The following KCTD14 variants were observed in gnomAD, a reference collection of about 807,000 sequenced individuals.
KCTD14 encodes BTB/POZ domain-containing protein KCTD14.
In KCTD14, 7 loss-of-function variants were observed where a neutral mutation model predicts 5.9. The ratio of observed to expected loss-of-function variants is 1.19; its 90% CI spans 0.68 to 2.23. The LOEUF is 2.23. Ranked by LOEUF, KCTD14 falls within the 30% of genes most tolerant of loss-of-function variation. KCTD14 has a pLI of 0.00. For missense variants in KCTD14, 342 were observed against 332.2 expected, an observed-to-expected ratio of 1.03 and a Z score of -0.23; for synonymous variants, 140 against 133.1, an observed-to-expected ratio of 1.05 and a Z score of -0.36.
Position 78,037,001 on chromosome 11 carries a change from G to A in KCTD14, c.-1+1663C>T, listed in dbSNP as rs144378967. Among the ~76,000 whole-genome samples, 175 of 152,360 alleles carry A rather than the reference G, an allele frequency of 1.1e-3. 1 individual carries two copies. The highest frequency in any genetic ancestry group is 4.1e-3 in the African/African-American group (171 of 41,590). On this transcript the variant is annotated intron_variant, in intron 2 of 2. Transcript: ENST00000533144. ...TGCTAATGAGGAAACCAAGGCCAAA[G>A]AAGGAATATGACTTTCCCAAAGTCA...
intron 1 of KCTD14, among the ~76,000 whole-genome samples, chr11:78,021,297 CAAAAAAAAAAAAAAAAA>C (rs531185817): frequency 2.3e-5 from 2 of 85,184 alleles, no homozygotes; most frequent in East Asian, 4.3e-4. Flanking sequence ...GACCCTGTCT[CAAAAAAAAAAAAAAAAA>C]AAAAAAAAAA....
chr11:78,020,906 A>G (rs1857288267), intron 1 of KCTD14, among the ~76,000 whole-genome samples: 1 of 152,208 alleles, frequency 6.6e-6, no homozygotes. Context: ...TCTGTGAAAT[A>G]GGGAGGCAAA....
At chr11:78,040,843 T>C (rs1489253213) in intron 1 of KCTD14, among the ~76,000 whole-genome samples, 1 of 152,128 alleles carries the variant, frequency 6.6e-6, no homozygotes, top group African/African-American at 2.4e-5. Flanking sequence ...CTGATTTTTG[T>C]ATTTTTAGTA....
At chr11:78,031,836 G>C (rs1857626776) in intron 2 of KCTD14, among the ~76,000 whole-genome samples, 1 of 152,202 alleles carries the variant, frequency 6.6e-6, no homozygotes. Context: ...CCACAGAAAT[G>C]AATATCTGGT....
intron 2 of KCTD14, among the ~76,000 whole-genome samples, chr11:78,037,726 C>T (rs960311385): frequency 3.3e-5 from 5 of 152,018 alleles, no homozygotes; most frequent in South Asian, 2.1e-4. Flanking sequence ...GGCTGAGGCA[C>T]GACAATCGCT....
At chr11:78,029,654 A>C (rs1352657278) in intron 2 of KCTD14, among the ~76,000 whole-genome samples, 3 of 152,246 alleles carry the variant, frequency 2.0e-5, no homozygotes, top group Non-Finnish European at 4.4e-5. Flanking sequence ...TTTGCAAAAT[A>C]AACTTTAGTC....
At chr11:78,031,330 G>A (rs1812155413) in intron 2 of KCTD14, among the ~76,000 whole-genome samples, 1 of 151,878 alleles carries the variant, frequency 6.6e-6, no homozygotes, top group South Asian at 2.1e-4. Context: ...TTACAGGTGT[G>A]AGCCACCATA....
chr11:78,030,082 C>A (rs775164685), intron 2 of KCTD14, among the ~76,000 whole-genome samples: 2 of 152,174 alleles, frequency 1.3e-5, no homozygotes, highest in Admixed American at 1.3e-4. Flanking sequence ...TCGCGCCTGG[C>A]CTTTCTGTGA....
At chr11:78,033,901 G>GTATATATATATATATATATATA (rs1555054302) in intron 2 of KCTD14, among the ~76,000 whole-genome samples, 6 of 115,580 alleles carry the variant, frequency 5.2e-5, no homozygotes, top group African/African-American at 1.1e-4. Flanking sequence ...GTGTGTGTGT[G>GTATATATATATATATATATATA]TATATATATA....
At chr11:78,038,808 C>T (rs1028495189) in intron 1 of KCTD14, 36 of 1,533,426 alleles carry the variant, frequency 2.3e-5, no homozygotes, top group African/African-American at 4.1e-5. Context: ...TCACAAAGGA[C>T]GAGGACCAGG....
intron 2 of KCTD14, among the ~76,000 whole-genome samples, chr11:78,035,858 A>AAAC (rs1328598814): frequency 8.9e-5 from 13 of 145,286 alleles, no homozygotes; most frequent in African/African-American, 1.3e-4. Flanking sequence ...AAAAAAAAAA[A>AAAC]AAAAAAACAG....
chr11:78,020,403 C>A (rs1857277665), intron 1 of KCTD14, among the ~76,000 whole-genome samples: 1 of 152,204 alleles, frequency 6.6e-6, no homozygotes, highest in Non-Finnish European at 1.5e-5. Flanking sequence ...GCCATGACAA[C>A]ATCTCCTACC....
intron 1 of KCTD14, among the ~76,000 whole-genome samples, chr11:78,041,714 G>A (rs569255575): frequency 1.3e-5 from 2 of 152,178 alleles, no homozygotes; most frequent in Non-Finnish European, 2.9e-5. Context: ...ATCCACCACT[G>A]CTGTTTGCCA....
rs190462195 is a variant in KCTD14, at chr11:78,040,243, T to G, written c.-95-1485A>C. Among the ~76,000 whole-genome samples the G allele has an allele frequency of 4.2e-3, 647 of 152,312 alleles. 6 individuals carry two copies. The highest frequency in any genetic ancestry group is 5.2e-3 in the South Asian group (25 of 4,816). ...TTCCTGGAATCTGAAGTACGGGCATTTTTTCTGGCTGATTCAAAGTACCCT... is the reference window on the plus strand; with the variant it reads ...TTCCTGGAATCTGAAGTACGGGCATGTTTTCTGGCTGATTCAAAGTACCCT... On this transcript the variant is annotated intron_variant, in intron 1 of 2. Coordinates refer to the KCTD14 transcript ENST00000533144.
intron 1 of KCTD14, among the ~76,000 whole-genome samples, chr11:78,042,987 C>G (rs1858035748): frequency 6.6e-6 from 1 of 152,252 alleles, no homozygotes; most frequent in African/African-American, 2.4e-5. Context: ...TGCTTCTTTA[C>G]TGCACACATG....
At chr11:78,020,114 C>A (rs57903322) in intron 1 of KCTD14, among the ~76,000 whole-genome samples, 32,346 of 152,032 alleles carry the variant, frequency 0.21, 3,455 homozygotes, top group Middle Eastern at 0.25. Context: ...AGAGGGAAGA[C>A]TGAAAGGTAG....
upstream of KCTD14, among the ~76,000 whole-genome samples, chr11:78,024,433 CACACACACACACAT>C (rs1857396600): frequency 1.5e-5 from 1 of 68,914 alleles, no homozygotes; most frequent in South Asian, 6.1e-4. Context: ...CACACACACA[CACACACACACACAT>C]ATATATATAT....
chr11:78,031,157 C>A (rs1857602695), intron 2 of KCTD14, among the ~76,000 whole-genome samples: 1 of 149,958 alleles, frequency 6.7e-6, no homozygotes, highest in Admixed American at 6.7e-5. Context: ...TGGAATCAAG[C>A]AACCCTCCTG....
Position 78,016,333 on chromosome 11 carries a change from T to C in KCTD14, c.*260A>G, listed in dbSNP as rs3824865. 0.11 allele frequency: 57,454 copies of C among 511,702 alleles called. 3,571 individuals carry two copies. The highest frequency in any genetic ancestry group is 0.14 in the South Asian group (5,648 of 39,044). The allele number at this position is 511,702 out of a possible 1,614,324, so 31.7% of individuals were successfully genotyped here. ...GTTGAAACATTCTTACTTGGTCTTG[T>C]TATTGGACTTCAAGAGAAGGGTCTG... On this transcript the variant is annotated 3_prime_UTR_variant, in exon 2 of 2. Coordinates refer to ENST00000353172, the MANE Select transcript of KCTD14 (RefSeq NM_023930.4).
Sources: allele counts gnomAD v4.1 joint callset (sites outside exome capture counted in the v4.1 genomes callset), GRCh38; gene constraint gnomAD v4.1.1; transcripts MANE v1.5; gene names NCBI Gene and HGNC (gene_info 2026-07-23, HGNC 2026-07-21).